The following PLEKHA4 variants were observed in gnomAD, a reference collection of about 807,000 sequenced individuals.
PLEKHA4 encodes the protein pleckstrin homology domain-containing family A member 4.
PLEKHA4 carries 73 observed loss-of-function variants against 94.7 expected under a neutral mutation model. The ratio of observed to expected loss-of-function variants is 0.77; its 90% CI spans 0.64 to 0.94. PLEKHA4 has a LOEUF of 0.94. Among genes scored for constraint, PLEKHA4 ranks in the 40% least tolerant of loss-of-function variants. The probability of loss-of-function intolerance (pLI) is 0.00; values close to 1 mark genes in which losing one functional copy is unlikely to be tolerated. For missense variants in PLEKHA4, 1,049 were observed against 1,054.1 expected, an observed-to-expected ratio of 1.00 and a Z score of 0.07; for synonymous variants, 449 against 437.1, an observed-to-expected ratio of 1.03 and a Z score of -0.34.
chr19:48,848,253 G>A (rs1380285532), intron 13 of PLEKHA4, among the ~76,000 whole-genome samples: 4 of 152,128 alleles, frequency 2.6e-5, no homozygotes, highest in Middle Eastern at 3.4e-3. Context: ...TTGGGAGGCC[G>A]AGGCGGGCGG....
At position 48,837,176 on chromosome 19, in the gene PLEKHA4, G is replaced by C; in HGVS notation, c.*113C>G. 6.7e-7 allele frequency: 1 copy of C among 1,482,420 alleles called. No individual in the cohort carries two copies. Among genetic ancestry groups the C allele is most frequent in the Non-Finnish European group, 9.3e-7 (1 of 1,073,182 alleles). 91.8% of individuals were successfully genotyped at this position (1,482,420 alleles called of 1,614,324 possible). Reference sequence around the variant, plus strand: ...GGCCATAGAAACCATTCCCCTCCCGGGCCCGCAATGGGGACCAGACCACGC... The same window carrying C: ...GGCCATAGAAACCATTCCCCTCCCGCGCCCGCAATGGGGACCAGACCACGC... On this transcript the variant is annotated 3_prime_UTR_variant, in exon 20 of 20. Coordinates refer to ENST00000263265, the MANE Select transcript of PLEKHA4 (RefSeq NM_020904.3). The surrounding 1 kb of genome is among the most constrained non-coding windows in gnomAD (Gnocchi z 4.3).
chr19:48,866,183 G>A (rs2036829529), intron 2 of PLEKHA4, among the ~76,000 whole-genome samples: 1 of 151,934 alleles, frequency 6.6e-6, no homozygotes, highest in Admixed American at 6.6e-5. Flanking sequence ...GGACTCAGGT[G>A]ATCCTCCAGC....
chr19:48,844,119 TTTA>T (rs60910939), intron 16 of PLEKHA4, among the ~76,000 whole-genome samples: 22,150 of 134,498 alleles, frequency 0.16, 1,844 homozygotes, highest in East Asian at 0.22. Flanking sequence ...CCTTATTTAT[TTTA>T]TTATTATTAT....
Position 48,867,675 on chromosome 19 carries a change from G to C in PLEKHA4, c.-6-49C>G. ...TGTGTCTCTGCAGTGACGGGTGTGAGACAGAGATGGGGTCAGGGGCTTGGA... is the reference window on the plus strand; with the variant it reads ...TGTGTCTCTGCAGTGACGGGTGTGACACAGAGATGGGGTCAGGGGCTTGGA... On this transcript the variant is annotated intron_variant, in intron 1 of 19. Coordinates refer to ENST00000263265, the MANE Select transcript of PLEKHA4 (RefSeq NM_020904.3). This position sits in a 1 kb window ranked among gnomAD's most constrained non-coding sequence, Gnocchi z 4.7. The C allele has an allele frequency of 6.6e-7, 1 of 1,519,390 alleles. No homozygotes were observed. Among genetic ancestry groups the C allele is most frequent in the Non-Finnish European group, 8.9e-7 (1 of 1,118,388 alleles). 94.1% of individuals were successfully genotyped at this position (1,519,390 alleles called of 1,614,324 possible). A position where few individuals can be genotyped will look rare whatever the true frequency, so the allele number is the denominator to read the frequency against.
intron 13 of PLEKHA4, among the ~76,000 whole-genome samples, chr19:48,848,439 T>G (rs1175713877): frequency 8.2e-5 from 11 of 134,494 alleles, no homozygotes; most frequent in Admixed American, 2.4e-4. Flanking sequence ...TGAGCCGAGA[T>G]CCCGCCACTG....
chr19:48,843,574 G>A (rs1483156098), intron 16 of PLEKHA4, among the ~76,000 whole-genome samples: 1 of 151,830 alleles, frequency 6.6e-6, no homozygotes, highest in African/African-American at 2.4e-5. Flanking sequence ...TTGACCTCCT[G>A]GACTCAAGCA....
intron 8 of PLEKHA4, 31 bp from the exon 9 acceptor site, chr19:48,857,527 G>A (rs1170653605): frequency 8.0e-7 from 1 of 1,244,248 alleles, no homozygotes. Context: ...GAGATGTTTA[G>A]AAACTGGCAT....
rs768206829 is a variant in PLEKHA4 at position 48,860,455 on chromosome 19, T to C, written c.371A>G (p.Glu124Gly). The C allele has an allele frequency of 6.2e-7, 1 of 1,613,572 alleles. No homozygotes were observed. The highest frequency in any genetic ancestry group is 8.5e-7 in the Non-Finnish European group (1 of 1,179,578). ...PRGRRFTFTA[E>G]HPGMRTYVLA... is the part of the protein sequence containing the mutation. ...AACGTAGGTCCTCATGCCCGGGTGC[T>C]CTGCCTGCGGGAAGAGAAGGCTTGG... Residue 124 changes from glutamate to glycine, a missense_variant, in exon 6 of 20, where the codon GAG becomes GGG. Transcript: ENST00000263265.
intron 3 of PLEKHA4, among the ~76,000 whole-genome samples, chr19:48,863,128 T>C (rs2036706751): frequency 6.6e-6 from 1 of 152,206 alleles, no homozygotes; most frequent in South Asian, 2.1e-4. Context: ...CCCATTCCCA[T>C]AGAAGCCCAC....
At chr19:48,840,378 G>A (rs1187836800) in intron 17 of PLEKHA4, among the ~76,000 whole-genome samples, 4 of 150,318 alleles carry the variant, frequency 2.7e-5, no homozygotes, top group African/African-American at 9.8e-5. Flanking sequence ...TCGCACCACT[G>A]CACTCTAGCC....
rs1208743164 is a variant in PLEKHA4, at chr19:48,853,839, A to G, written c.1177-8T>C. On this transcript the variant is annotated splice_region_variant and splice_polypyrimidine_tract_variant and intron_variant, in intron 11 of 19. Coordinates refer to ENST00000263265, the MANE Select transcript of PLEKHA4 (RefSeq NM_020904.3). ...AGCTGCTTCTAGTTGCTCCTGCACC[A>G]AGACAGAAGGTGGTTAGACTTCAGA... The G allele has an allele frequency of 6.2e-7, 1 of 1,600,718 alleles. No individual in the cohort carries two copies. Among genetic ancestry groups the G allele is most frequent in the East Asian group, 2.2e-5 (1 of 44,686 alleles).
At chr19:48,849,955 A>G (rs988267039) in intron 13 of PLEKHA4, among the ~76,000 whole-genome samples, 1 of 152,100 alleles carries the variant, frequency 6.6e-6, no homozygotes, top group African/African-American at 2.4e-5. Flanking sequence ...GCTCATGCCT[A>G]TAATCCCAGC....
chr19:48,856,272 A>G (rs2036404550), intron 9 of PLEKHA4, among the ~76,000 whole-genome samples: 2 of 149,934 alleles, frequency 1.3e-5, no homozygotes, highest in African/African-American at 4.9e-5. Context: ...GGGGAAGGGG[A>G]AGGGGGAAAG....
rs972795811 is a variant in PLEKHA4 at position 48,847,705 on chromosome 19, C to G, written c.1566+195G>C. Among the ~76,000 whole-genome samples, 3 of 152,086 alleles carry G rather than the reference C, an allele frequency of 2.0e-5. No homozygotes were observed. The East Asian group carries it at 5.8e-4, about 29-fold the overall frequency. On this transcript the variant is annotated intron_variant, in intron 14 of 19. Coordinates refer to ENST00000263265, the MANE Select transcript of PLEKHA4 (RefSeq NM_020904.3). ...CAAGATTGCACCACTGGACTCCAGC[C>G]TGGATGACAGAGTGAGACTACGTCT...
Position 48,837,647 on chromosome 19 carries a change from C to T in PLEKHA4, c.2078-96G>A, listed in dbSNP as rs1599856149. On this transcript the variant is annotated intron_variant, in intron 19 of 19. Coordinates refer to ENST00000263265, the MANE Select transcript of PLEKHA4 (RefSeq NM_020904.3). This position sits in a 1 kb window ranked among gnomAD's most constrained non-coding sequence, Gnocchi z 4.3. The stretch of plus-strand genomic sequence containing the variant: ...CCCTCAGACCCAGGACTCCGGATTC[C>T]CAGCCCCTCCTCCATCAGACCCAGG... The T allele has an allele frequency of 1.9e-5, 27 of 1,440,794 alleles. No individual in the cohort carries two copies. The highest frequency in any genetic ancestry group is 2.3e-5 in the Non-Finnish European group (24 of 1,049,632). The allele number at this position is 1,440,794 out of a possible 1,614,324, so 89.3% of individuals were successfully genotyped here.
chr19:48,852,170 T>A (rs757470441), intron 13 of PLEKHA4, 58 bp downstream of exon 13: 34 of 1,354,012 alleles, frequency 2.5e-5, no homozygotes, highest in Admixed American at 3.4e-5. Context: ...GCTAAAAGGA[T>A]TTCCAGGCAG....
At chr19:48,861,260 A>G (rs1432394790) in intron 5 of PLEKHA4, 141 bp downstream of exon 5, 1 of 775,830 alleles carries the variant, frequency 1.3e-6, no homozygotes, top group East Asian at 2.5e-5. Context: ...CGAGGATGCA[A>G]TTGACGCTTG....
intron 16 of PLEKHA4, among the ~76,000 whole-genome samples, chr19:48,841,627 A>AATATAT (rs60459653): frequency 1.4e-5 from 2 of 147,884 alleles, no homozygotes; most frequent in Non-Finnish European, 3.0e-5. Context: ...CTCTGTCTCA[A>AATATAT]ATATATATAT....
intron 17 of PLEKHA4, 86 bp downstream of exon 17, chr19:48,841,063 A>C: frequency 7.6e-7 from 1 of 1,318,758 alleles, no homozygotes; most frequent in Non-Finnish European, 1.0e-6. Flanking sequence ...GGTAGTGATT[A>C]TCTCCATTTT....
Sources: gnomAD v4.1 joint callset for allele counts (sites outside exome capture counted in the v4.1 genomes callset) on GRCh38, gnomAD v4.1.1 for gene constraint, Gnocchi (gnomAD v3.1) non-coding constraint, MANE v1.5 for transcripts, NCBI Gene and HGNC (gene_info 2026-07-23, HGNC 2026-07-21) for gene names.